CHST11: variants seen among roughly 807,000 people sequenced by gnomAD.
The protein encoded by CHST11 is carbohydrate sulfotransferase 11.
A neutral mutation model predicts 30.4 loss-of-function variants in CHST11; 9 were observed. The observed-to-expected ratio is 0.30, with a 90% CI of 0.18 to 0.52. The LOEUF (loss-of-function observed/expected upper bound fraction) is 0.52, where lower values mean the gene tolerates loss of function less well. CHST11 is among the 20% of genes least tolerant of loss of function. The probability of loss-of-function intolerance (pLI) is 0.97; values close to 1 mark genes in which losing one functional copy is unlikely to be tolerated. For synonymous variants in CHST11, 152 were observed against 187.8 expected (o/e 0.81, Z 1.56); for missense variants, 348 against 460.6 (o/e 0.76, Z 2.24).
At chr12:104,664,147 A>G (rs1040728967) in intron 2 of CHST11, among the ~76,000 whole-genome samples, 6 of 152,170 alleles carry the variant, frequency 3.9e-5, no homozygotes, top group African/African-American at 7.2e-5. Flanking sequence ...CCTCTCTTCT[A>G]TAAACCGCGA....
intron 2 of CHST11, among the ~76,000 whole-genome samples, chr12:104,705,879 C>T (rs1210580163): frequency 1.3e-5 from 2 of 151,724 alleles, no homozygotes; most frequent in African/African-American, 4.8e-5. Flanking sequence ...AAGATCGCAC[C>T]ACTGCCTGGG....
At chr12:104,713,442 C>T (rs1247684411) in intron 2 of CHST11, among the ~76,000 whole-genome samples, 2 of 152,120 alleles carry the variant, frequency 1.3e-5, no homozygotes, top group African/African-American at 2.4e-5. Flanking sequence ...TGAGCACCAT[C>T]AATGTACCTG....
intron 2 of CHST11, among the ~76,000 whole-genome samples, chr12:104,655,115 C>T (rs2039530482): frequency 1.3e-5 from 2 of 152,166 alleles, no homozygotes; most frequent in Non-Finnish European, 2.9e-5. Flanking sequence ...TTGGTGAGGG[C>T]ACATTCATGT....
rs145871852 is a variant in CHST11 at position 104,644,490 on chromosome 12, GC to G, written c.204+42501del. Among the ~76,000 whole-genome samples, 362 of 152,334 alleles carry G rather than the reference GC, an allele frequency of 2.4e-3. 4 individuals are homozygous for G. The highest frequency in any genetic ancestry group is 8.2e-3 in the African/African-American group (340 of 41,578). On this transcript the variant is annotated intron_variant, in intron 2 of 2. Coordinates refer to ENST00000303694, the MANE Select transcript of CHST11 (RefSeq NM_018413.6). ...AGGCAGAGTGGCCCTGCTTGCATCTGCCAAAAAGACACACCTGGGCTCCCTG... is the reference window on the plus strand; with the variant it reads ...AGGCAGAGTGGCCCTGCTTGCATCTGCAAAAAGACACACCTGGGCTCCCTG...
intron 1 of CHST11, among the ~76,000 whole-genome samples, chr12:104,459,981 A>G (rs185549365): frequency 1.5e-3 from 225 of 152,384 alleles, no homozygotes; most frequent in African/African-American, 5.0e-3. Flanking sequence ...TTATCATTAC[A>G]CGGGGCATAA....
intron 2 of CHST11, among the ~76,000 whole-genome samples, chr12:104,630,583 T>C (rs1386809387): frequency 6.6e-6 from 1 of 152,118 alleles, no homozygotes; most frequent in African/African-American, 2.4e-5. Flanking sequence ...ACTTGGTAAA[T>C]TGGCCTTCCC....
At chr12:104,593,040 G>A (rs1489801272) in intron 1 of CHST11, among the ~76,000 whole-genome samples, 2 of 152,118 alleles carry the variant, frequency 1.3e-5, no homozygotes, top group African/African-American at 4.8e-5. Flanking sequence ...TAAATCTCAC[G>A]GCTCTTGGAT....
At chr12:104,547,688 G>A (rs1274262850) in intron 1 of CHST11, among the ~76,000 whole-genome samples, 1 of 152,060 alleles carries the variant, frequency 6.6e-6, no homozygotes, top group Non-Finnish European at 1.5e-5. Context: ...CAGAATCTTG[G>A]GTTTATATTC....
intron 1 of CHST11, among the ~76,000 whole-genome samples, chr12:104,462,167 C>CAAAAAA (rs796356338): frequency 1.6e-3 from 100 of 63,626 alleles, no homozygotes; most frequent in Middle Eastern, 8.3e-3. Context: ...AACACCATCT[C>CAAAAAA]AAAAAAAAAA....
chr12:104,539,377 T>A (rs534454138), intron 1 of CHST11, among the ~76,000 whole-genome samples: 2 of 152,336 alleles, frequency 1.3e-5, no homozygotes, highest in South Asian at 4.1e-4. Context: ...TTAGTGTTTG[T>A]TTTTGTTATT....
intron 2 of CHST11, among the ~76,000 whole-genome samples, chr12:104,622,982 A>G (rs2039175037): frequency 6.6e-6 from 1 of 152,236 alleles, no homozygotes; most frequent in Admixed American, 6.5e-5. Flanking sequence ...AAAGTGCTCA[A>G]CTAAGTTGGT....
chr12:104,517,718 G>A (rs1282055753), intron 1 of CHST11, among the ~76,000 whole-genome samples: 2 of 152,130 alleles, frequency 1.3e-5, no homozygotes, highest in Non-Finnish European at 2.9e-5. Flanking sequence ...CCTCAAAAGC[G>A]ACCTGGGAAC....
intron 1 of CHST11, among the ~76,000 whole-genome samples, chr12:104,510,621 T>G (rs1165216661): frequency 6.6e-6 from 1 of 152,232 alleles, no homozygotes; most frequent in African/African-American, 2.4e-5. Context: ...TGCTCCTTGC[T>G]CCTCTTTGTG....
intron 2 of CHST11, among the ~76,000 whole-genome samples, chr12:104,747,378 A>G (rs1426676500): frequency 2.0e-5 from 3 of 152,224 alleles, no homozygotes; most frequent in Non-Finnish European, 4.4e-5. Flanking sequence ...TGAAAATACT[A>G]ATGATACCTA....
At chr12:104,528,845 A>G (rs2038153548) in intron 1 of CHST11, among the ~76,000 whole-genome samples, 1 of 152,234 alleles carries the variant, frequency 6.6e-6, no homozygotes. Flanking sequence ...CAGTGTCCCC[A>G]GGACTGACTT....
intron 1 of CHST11, among the ~76,000 whole-genome samples, chr12:104,528,812 C>T (rs189176218): frequency 7.2e-5 from 11 of 152,320 alleles, no homozygotes; most frequent in Admixed American, 7.2e-4. Flanking sequence ...ATCCAATGTA[C>T]TTGACAGTAT....
At position 104,605,500 on chromosome 12, in the gene CHST11, G is replaced by T. The variant is rs142994483; in HGVS notation, c.204+3509G>T. ...AGGCTGAGGCAGGAGAATGGCGTGA[G>T]CCCGGGAGGCGGAGCTTGCAGTGGG... is the stretch of plus-strand genomic sequence containing the variant. On this transcript the variant is annotated intron_variant, in intron 2 of 2. Coordinates refer to ENST00000303694, the MANE Select transcript of CHST11 (RefSeq NM_018413.6). 3.4e-3 allele frequency among the ~76,000 whole-genome samples: 525 copies of T among 152,296 alleles called. 6 individuals are homozygous for T. Among genetic ancestry groups the T allele is most frequent in the African/African-American group, 0.012 (499 of 41,550 alleles).
chr12:104,696,114 A>C (rs961364231), intron 2 of CHST11, among the ~76,000 whole-genome samples: 3 of 152,100 alleles, frequency 2.0e-5, no homozygotes, highest in African/African-American at 7.2e-5. Context: ...CGCCATCTGC[A>C]TGCTCCCTTT....
At chr12:104,522,021 A>G (rs2038078334) in intron 1 of CHST11, among the ~76,000 whole-genome samples, 1 of 152,196 alleles carries the variant, frequency 6.6e-6, no homozygotes. Flanking sequence ...CCTGGAGCTT[A>G]TAAAATTGGG....
Sources: gnomAD v4.1 joint callset for allele counts (sites outside exome capture counted in the v4.1 genomes callset) on GRCh38, gnomAD v4.1.1 for gene constraint, MANE v1.5 for transcripts, NCBI Gene and HGNC (gene_info 2026-07-23, HGNC 2026-07-21) for gene names.